WWOX: variants seen among roughly 807,000 people sequenced by gnomAD.
The protein encoded by WWOX is WW domain containing oxidoreductase, also known as WW domain-containing oxidoreductase.
WWOX carries 69 observed loss-of-function variants against 46.2 expected under a neutral mutation model. That is an observed-to-expected ratio of 1.49 (90% CI 1.23 to 1.82). The LOEUF (loss-of-function observed/expected upper bound fraction) is 1.82, where lower values mean the gene tolerates loss of function less well. Ranked by LOEUF, WWOX falls within the 40% of genes most tolerant of loss-of-function variation. The pLI, the probability that WWOX is intolerant of heterozygous loss-of-function variation, is 0.00. For synonymous variants in WWOX, 359 were observed against 202.6 expected, an observed-to-expected ratio of 1.77 and a Z score of -6.56; for missense variants, 919 against 542.6, an observed-to-expected ratio of 1.69 and a Z score of -6.89.
chr16:78,777,446 T>C (rs1218455372), intron 8 of WWOX, among the ~76,000 whole-genome samples: 1 of 152,186 alleles, frequency 6.6e-6, no homozygotes, highest in African/African-American at 2.4e-5. Context: ...ATGTGTCTAG[T>C]GGCTGTCGTA....
In WWOX at chr16:78,366,884, A is replaced by G. The variant is rs184399189; in HGVS notation, c.517-19976A>G. Among the ~76,000 whole-genome samples, 103 of 151,696 alleles carry G rather than the reference A, an allele frequency of 6.8e-4. 2 individuals are homozygous for G. Among genetic ancestry groups the G allele is most frequent in the Admixed American group, 6.7e-3 (102 of 15,242 alleles). ...CTATCATACGTGACTCAGTTTTCAA[A>G]CTTGCTTAATCCAAAGCCTGGGGGG... On this transcript the variant is annotated intron_variant, in intron 5 of 8. Transcript: ENST00000566780.
chr16:79,061,634 A>G (rs2048359183), intron 8 of WWOX, among the ~76,000 whole-genome samples: 2 of 152,226 alleles, frequency 1.3e-5, no homozygotes, highest in African/African-American at 4.8e-5. Flanking sequence ...GATCCATGAC[A>G]GTATTGGTTC....
chr16:78,577,809 C>T (rs2044926951), intron 8 of WWOX, among the ~76,000 whole-genome samples: 1 of 152,096 alleles, frequency 6.6e-6, no homozygotes, highest in African/African-American at 2.4e-5. Flanking sequence ...AATGACATGA[C>T]TTTCAGTTTA....
intron 8 of WWOX, among the ~76,000 whole-genome samples, chr16:79,058,565 C>T (rs2048306996): frequency 6.6e-6 from 1 of 152,138 alleles, no homozygotes; most frequent in Admixed American, 6.5e-5. Flanking sequence ...ATTGAAAAGA[C>T]ATTCACGTTT....
At chr16:79,027,392 C>G (rs973914296) in intron 8 of WWOX, among the ~76,000 whole-genome samples, 3 of 151,412 alleles carry the variant, frequency 2.0e-5, no homozygotes, top group Non-Finnish European at 2.9e-5. Context: ...ATAATTACTT[C>G]AAGGAGCAAG....
chr16:78,240,392 G>A (rs1331384858), intron 5 of WWOX, among the ~76,000 whole-genome samples: 4 of 152,170 alleles, frequency 2.6e-5, no homozygotes, highest in Non-Finnish European at 5.9e-5. Flanking sequence ...GAAGTCAGAG[G>A]CAGAGATTGG....
At chr16:78,862,234 A>G (rs184871667) in intron 8 of WWOX, among the ~76,000 whole-genome samples, 15 of 137,744 alleles carry the variant, frequency 1.1e-4, no homozygotes, top group Middle Eastern at 7.6e-3. Context: ...GTCTGTATCT[A>G]TACACACCTA....
At chr16:78,290,148 G>A (rs1427437543) in intron 5 of WWOX, among the ~76,000 whole-genome samples, 3 of 152,048 alleles carry the variant, frequency 2.0e-5, no homozygotes, top group African/African-American at 7.2e-5. Context: ...ATTGCTACTT[G>A]GGGTTTCTAC....
intron 8 of WWOX, among the ~76,000 whole-genome samples, chr16:78,758,146 G>C (rs1174551466): frequency 6.6e-6 from 1 of 152,006 alleles, no homozygotes; most frequent in Non-Finnish European, 1.5e-5. Flanking sequence ...GTTTTAAAAG[G>C]AAATGTTCTA....
chr16:78,777,986 A>G (rs998631908), intron 8 of WWOX, among the ~76,000 whole-genome samples: 1 of 142,802 alleles, frequency 7.0e-6, no homozygotes, highest in Admixed American at 7.1e-5. Context: ...TGGAAGTTGT[A>G]GTGAGCCAAG....
chr16:78,178,527 TA>T (rs1567614506), intron 5 of WWOX, among the ~76,000 whole-genome samples: 3 of 152,186 alleles, frequency 2.0e-5, no homozygotes, highest in Non-Finnish European at 2.9e-5. Context: ...ATGTCAGTGC[TA>T]GACCACATCC....
chr16:78,534,462 A>G (rs1256152295), intron 8 of WWOX: 5 of 152,220 alleles, frequency 3.3e-5, no homozygotes, highest in African/African-American at 4.8e-5. Flanking sequence ...TGGAAACTCA[A>G]TTTTGATTCA....
chr16:78,513,626 G>C (rs775285510), intron 8 of WWOX, among the ~76,000 whole-genome samples: 1 of 152,200 alleles, frequency 6.6e-6, no homozygotes. Context: ...CAAATTGCCT[G>C]TGAGTCCCAC....
rs994716591 is a variant in WWOX at position 78,990,406 on chromosome 16, C to G, written c.1057-221202C>G. Among the ~76,000 whole-genome samples the G allele has an allele frequency of 3.9e-5, 6 of 152,116 alleles. No individual in the cohort carries two copies. The South Asian group carries it at 1.2e-3, about 32-fold the overall frequency. On this transcript the variant is annotated intron_variant, in intron 8 of 8. Transcript: ENST00000566780. Reference sequence around the variant, plus strand: ...CAACTGTTCTCTGCACGACCTAGTTCTGGGCTAGGGAATGGCTGTCTAGCT... The same window carrying G: ...CAACTGTTCTCTGCACGACCTAGTTGTGGGCTAGGGAATGGCTGTCTAGCT...
At chr16:78,990,238 G>C (rs2046860132) in intron 8 of WWOX, among the ~76,000 whole-genome samples, 1 of 150,644 alleles carries the variant, frequency 6.6e-6, no homozygotes, top group African/African-American at 2.4e-5. Context: ...CAGCATCTCA[G>C]ATTAAGGGCC....
intron 8 of WWOX, among the ~76,000 whole-genome samples, chr16:79,092,678 G>A (rs1303544916): frequency 6.6e-6 from 1 of 152,214 alleles, no homozygotes; most frequent in African/African-American, 2.4e-5. Flanking sequence ...TGGAAACAGA[G>A]ACAGATGTAT....
chr16:78,939,927 A>G (rs181174440), intron 8 of WWOX, among the ~76,000 whole-genome samples: 10 of 152,324 alleles, frequency 6.6e-5, no homozygotes, highest in Admixed American at 3.9e-4. Flanking sequence ...AAGTTTACCC[A>G]ATTCGACTGC....
At chr16:78,762,691 G>A (rs555215006) in intron 8 of WWOX, among the ~76,000 whole-genome samples, 3 of 152,266 alleles carry the variant, frequency 2.0e-5, no homozygotes, top group Admixed American at 2.0e-4. Context: ...AATCCACTGT[G>A]GCTGAGAACA....
intron 5 of WWOX, among the ~76,000 whole-genome samples, chr16:78,276,876 A>G (rs1283297368): frequency 1.3e-5 from 2 of 152,024 alleles, no homozygotes; most frequent in Non-Finnish European, 2.9e-5. Context: ...ACTCTCATTA[A>G]TTTTTCACAG....
Sources: allele counts gnomAD v4.1 joint callset (sites outside exome capture counted in the v4.1 genomes callset), GRCh38; gene constraint gnomAD v4.1.1; transcripts MANE v1.5; gene names NCBI Gene and HGNC (gene_info 2026-07-23, HGNC 2026-07-21).